The following AHR variants were observed in gnomAD, a reference collection of about 807,000 sequenced individuals.
The protein encoded by AHR is AH-receptor.
AHR carries 40 observed loss-of-function variants against 86.8 expected under a neutral mutation model. That is an observed-to-expected ratio of 0.46 (90% CI 0.36 to 0.60). The LOEUF is 0.60. Ranked by LOEUF, AHR falls within the 20% of genes least tolerant of loss-of-function variation. The pLI is 0.00. For missense variants in AHR, 1,001 were observed against 1,011.6 expected, an observed-to-expected ratio of 0.99 and a Z score of 0.14; for synonymous variants, 398 against 354.9, an observed-to-expected ratio of 1.12 and a Z score of -1.37.
intron 3 of AHR, among the ~76,000 whole-genome samples, chr7:17,323,290 T>C (rs1458642535): frequency 1.3e-5 from 2 of 152,284 alleles, no homozygotes; most frequent in African/African-American, 2.4e-5. Context: ...TAGTTTAAAA[T>C]AGTTCTTAAC....
intron 2 of AHR, among the ~76,000 whole-genome samples, chr7:17,311,355 G>T (rs1010797281): frequency 3.4e-4 from 52 of 152,216 alleles, no homozygotes; most frequent in African/African-American, 1.3e-3. Flanking sequence ...TGTGTCCCTA[G>T]ATTTTGCATG....
At chr7:17,311,527 G>C (rs1170595030) in intron 2 of AHR, among the ~76,000 whole-genome samples, 2 of 152,188 alleles carry the variant, frequency 1.3e-5, no homozygotes, top group Non-Finnish European at 2.9e-5. Context: ...TGTTTCGTCT[G>C]AGCATCTTTT....
chr7:17,308,453 A>G (rs1782027611), intron 1 of AHR, among the ~76,000 whole-genome samples: 1 of 152,212 alleles, frequency 6.6e-6, no homozygotes, highest in African/African-American at 2.4e-5. Context: ...GATGGATATA[A>G]ATAAATACTT....
At position 17,329,975 on chromosome 7, in the gene AHR, A is replaced by G. The variant is rs1402956734; in HGVS notation, c.474A>G (p.Val158=). ...AGTCTGATGTCATACATCAGAGTGTATATGAACTTATCCATACCGAAGACC... is the reference window on the plus strand; with the variant it reads ...AGTCTGATGTCATACATCAGAGTGTGTATGAACTTATCCATACCGAAGACC... ...FQQSDVIHQS[V]YELIHTEDRA... The change falls in exon 5 of 11, where the codon GTA becomes GTG. Residue 158 remains valine (V), a synonymous_variant. Coordinates refer to ENST00000242057, the MANE Select transcript of AHR (RefSeq NM_001621.5). 5 of 1,610,578 alleles carry G rather than the reference A, an allele frequency of 3.1e-6. No homozygotes were observed. Among genetic ancestry groups the G allele is most frequent in the Non-Finnish European group, 4.2e-6 (5 of 1,177,604 alleles).
rs10253202 is a variant in AHR at position 17,298,801 on chromosome 7, G to C, written c.-464G>C. 26 of 398,222 alleles carry C rather than the reference G, an allele frequency of 6.5e-5. No homozygotes were observed. Among genetic ancestry groups the C allele is most frequent in the African/African-American group, 4.7e-4 (23 of 48,574 alleles). 24.7% of individuals were successfully genotyped at this position (398,222 alleles called of 1,614,324 possible). On this transcript the variant is annotated 5_prime_UTR_variant, in exon 1 of 11. Transcript: ENST00000242057. ...AGCTCCGCAGGCGGGAAGCACCCTGGATTTAGGAAGTCCCGGGAGCAGCGC... is the reference window on the plus strand; with the variant it reads ...AGCTCCGCAGGCGGGAAGCACCCTGCATTTAGGAAGTCCCGGGAGCAGCGC...
In AHR at chr7:17,298,848, GGGGCCGCGGCGACGGTCAC is replaced by G. The variant is rs1781918943; in HGVS notation, c.-413_-395del. ...GCGCGGCGGCACCTCCCTCACCCAA[GGGGCCGCGGCGACGGTCAC>G]GGGGCGCGGCGCCACCGTGAGCGAC... On this transcript the variant is annotated 5_prime_UTR_variant, in exon 1 of 11. Transcript: ENST00000242057. The G allele has an allele frequency of 2.5e-6, 1 of 398,806 alleles. No individual in the cohort carries two copies. The highest frequency in any genetic ancestry group is 2.1e-5 in the African/African-American group (1 of 48,584). 24.7% of individuals were successfully genotyped at this position (398,806 alleles called of 1,614,324 possible). A position where few individuals can be genotyped will look rare whatever the true frequency, so the allele number is the denominator to read the frequency against.
rs764361200 is a variant in AHR at position 17,339,331 on chromosome 7, G to C, written c.1506G>C (p.Pro502=). Residue 502 remains proline, a synonymous_variant, in exon 10 of 11, where the codon CCG becomes CCC. Transcript: ENST00000242057. ...ECRNWQDNTA[P]MGNDTILKHE... is the part of the protein sequence containing the mutation. ...GAAATTGGCAAGATAATACTGCACC[G>C]ATGGGAAATGATACTATCCTGAAAC... 5 of 1,614,024 alleles carry C rather than the reference G, an allele frequency of 3.1e-6. No individual in the cohort carries two copies. The African/African-American group carries it at 4.0e-5, about 13-fold the overall frequency.
intron 2 of AHR, among the ~76,000 whole-genome samples, chr7:17,316,942 C>T (rs1782121000): frequency 6.6e-6 from 1 of 152,026 alleles, no homozygotes; most frequent in African/African-American, 2.4e-5. Context: ...GGGTCTTCAT[C>T]TTCTCAGCAT....
In AHR at chr7:17,339,364, A is replaced by T. The variant is rs754252795; in HGVS notation, c.1539A>T (p.Gln513His). 11 of 1,614,098 alleles carry T rather than the reference A, an allele frequency of 6.8e-6. No homozygotes were observed. The South Asian group carries it at 1.1e-4, about 16-fold the overall frequency. Reference protein sequence around the residue: ...MGNDTILKHEQIDQPQDVNSF... With the variant: ...MGNDTILKHEHIDQPQDVNSF... ...ATGATACTATCCTGAAACATGAGCAAATTGACCAGCCTCAGGATGTGAACT... is the reference window on the plus strand; with the variant it reads ...ATGATACTATCCTGAAACATGAGCATATTGACCAGCCTCAGGATGTGAACT... The change falls in exon 10 of 11, where the codon CAA becomes CAT. Residue 513 changes from glutamine to histidine, a missense_variant. Coordinates refer to ENST00000242057, the MANE Select transcript of AHR (RefSeq NM_001621.5).
Position 17,339,032 on chromosome 7 carries a change from C to A in AHR, c.1207C>A (p.Pro403Thr). The A allele has an allele frequency of 6.2e-7, 1 of 1,613,920 alleles. No homozygotes were observed. Among genetic ancestry groups the A allele is most frequent in the Non-Finnish European group, 8.5e-7 (1 of 1,179,954 alleles). ...EHLRKRNTKLPFMFTTGEAVL... is the reference protein window; with the variant it reads ...EHLRKRNTKLTFMFTTGEAVL... ...TTTACGAAAACGAAATACGAAGTTG[C>A]CTTTTATGTTTACCACTGGAGAAGC... Residue 403 changes from proline to threonine, a missense_variant, in exon 10 of 11, where the codon CCT (proline) becomes ACT (threonine). By Grantham distance (38) the Pro-to-Thr change is conservative (BLOSUM62 -1). Around this residue, in one of 2 missense-constraint regions of AHR, gnomAD observed 607 missense variants for 543.1 expected, o/e 1.12. Transcript: ENST00000242057.
intron 2 of AHR, among the ~76,000 whole-genome samples, chr7:17,318,248 GT>G (rs1251371473): frequency 6.6e-6 from 1 of 152,014 alleles, no homozygotes; most frequent in Non-Finnish European, 1.5e-5. Flanking sequence ...TTCAAAGCAT[GT>G]GATATGAAGA....
chr7:17,343,610 G>A lies in AHR; in HGVS notation c.*546G>A, dbSNP rs1030601151. On this transcript the variant is annotated 3_prime_UTR_variant, in exon 11 of 11. Transcript: ENST00000242057. The stretch of plus-strand genomic sequence containing the variant: ...TCCTCCTTCACTGTTTCATCTAAGT[G>A]CCTCACATTTTTTTCTACCTATAAC... 6.5e-6 allele frequency: 1 copy of A among 153,102 alleles called. No individual in the cohort carries two copies. The highest frequency in any genetic ancestry group is 2.4e-5 in the African/African-American group (1 of 41,378). 9.5% of individuals were successfully genotyped at this position (153,102 alleles called of 1,614,324 possible). A position where few individuals can be genotyped will look rare whatever the true frequency, so the allele number is the denominator to read the frequency against.
At chr7:17,314,211 C>A (rs1584032572) in intron 2 of AHR, among the ~76,000 whole-genome samples, 2 of 152,162 alleles carry the variant, frequency 1.3e-5, no homozygotes, top group Admixed American at 1.3e-4. Flanking sequence ...CTTGCATTTG[C>A]AGCTGTCATA....
chr7:17,323,825 A>G (rs1376851843), intron 3 of AHR, among the ~76,000 whole-genome samples: 2 of 152,334 alleles, frequency 1.3e-5, no homozygotes, highest in South Asian at 2.1e-4. Flanking sequence ...ATCTTCATGT[A>G]TATGTAAACC....
At chr7:17,333,606 C>A (rs979777800) in intron 6 of AHR, among the ~76,000 whole-genome samples, 32 of 151,914 alleles carry the variant, frequency 2.1e-4, no homozygotes, top group African/African-American at 6.3e-4. Flanking sequence ...GTGCAAGGAG[C>A]TGTGTGAGGT....
Position 17,298,654 on chromosome 7 carries a change from T to A in AHR, c.-611T>A. The A allele has an allele frequency of 2.6e-6, 1 of 391,804 alleles. No homozygotes were observed. The highest frequency in any genetic ancestry group is 4.4e-5 in the Admixed American group (1 of 22,488). The allele number at this position is 391,804 out of a possible 1,614,324, so 24.3% of individuals were successfully genotyped here. A position where few individuals can be genotyped will look rare whatever the true frequency, so the allele number is the denominator to read the frequency against. ...CGGTGCGCGCGGCGGCGGGAGGCAG[T>A]GGCTGGGGAGTCCCGTCGACGCTCT... On this transcript the variant is annotated 5_prime_UTR_variant, in exon 1 of 11. Coordinates refer to ENST00000242057, the MANE Select transcript of AHR (RefSeq NM_001621.5).
At chr7:17,300,598 G>A (rs973943721) in intron 1 of AHR, among the ~76,000 whole-genome samples, 31 of 152,292 alleles carry the variant, frequency 2.0e-4, no homozygotes, top group African/African-American at 7.5e-4. Context: ...AAATTTGGAA[G>A]TTTTATGGTA....
chr7:17,323,119 T>C (rs1782191579), intron 3 of AHR, among the ~76,000 whole-genome samples: 3 of 152,092 alleles, frequency 2.0e-5, no homozygotes, highest in Non-Finnish European at 4.4e-5. Flanking sequence ...GTATATGAAG[T>C]AGATTAGTTA....
intron 6 of AHR, 95 bp downstream of exon 6, chr7:17,330,981 C>T: frequency 7.3e-7 from 1 of 1,360,866 alleles, no homozygotes; most frequent in Non-Finnish European, 1.0e-6. Flanking sequence ...CAGCAGAGAA[C>T]TATTCCCAAA....
Sources: allele counts gnomAD v4.1 joint callset (sites outside exome capture counted in the v4.1 genomes callset), GRCh38; gene constraint gnomAD v4.1.1; regional missense constraint gnomAD v4.1.1; transcripts MANE v1.5; gene names NCBI Gene and HGNC (gene_info 2026-07-23, HGNC 2026-07-21).